The following SLC9A9 variants were observed in gnomAD, a reference collection of about 807,000 sequenced individuals.
SLC9A9 encodes solute carrier family 9 member A9.
A neutral mutation model predicts 77.8 loss-of-function variants in SLC9A9; 62 were observed. The observed-to-expected ratio is 0.80, with a 90% CI of 0.65 to 0.98. SLC9A9 has a LOEUF of 0.98. Ranked by LOEUF, SLC9A9 falls within the 50% of genes least tolerant of loss-of-function variation. The probability of loss-of-function intolerance (pLI) is 0.00; values close to 1 mark genes in which losing one functional copy is unlikely to be tolerated. For missense variants in SLC9A9, 775 were observed against 774.9 expected (o/e 1.00, Z 0.00); for synonymous variants, 320 against 283.5 (o/e 1.13, Z -1.29).
chr3:143,681,056 T>A (rs534294696), intron 5 of SLC9A9, among the ~76,000 whole-genome samples: 4 of 152,286 alleles, frequency 2.6e-5, no homozygotes, highest in Non-Finnish European at 5.9e-5. Flanking sequence ...TTCCACAAGC[T>A]TTCTCCCACT....
chr3:143,297,159 G>A (rs912446961), intron 14 of SLC9A9, among the ~76,000 whole-genome samples: 2 of 152,168 alleles, frequency 1.3e-5, no homozygotes, highest in African/African-American at 4.8e-5. Flanking sequence ...TTTCAGGTCT[G>A]AATTTAAATC....
intron 6 of SLC9A9, among the ~76,000 whole-genome samples, chr3:143,604,132 A>G (rs543442516): frequency 6.6e-6 from 1 of 152,334 alleles, no homozygotes; most frequent in South Asian, 2.1e-4. Flanking sequence ...TTAGTTCTAA[A>G]TTAAGGTCTA....
intron 5 of SLC9A9, among the ~76,000 whole-genome samples, chr3:143,662,642 G>T (rs1311075788): frequency 6.6e-6 from 1 of 152,126 alleles, no homozygotes; most frequent in African/African-American, 2.4e-5. Flanking sequence ...CGGTACTCCA[G>T]GAGATTATAT....
At chr3:143,721,453 C>T (rs1344990987) in intron 4 of SLC9A9, among the ~76,000 whole-genome samples, 1 of 151,988 alleles carries the variant, frequency 6.6e-6, no homozygotes, top group Non-Finnish European at 1.5e-5. Flanking sequence ...CTGAGTTTTC[C>T]AGTCTGTGCT....
intron 12 of SLC9A9, among the ~76,000 whole-genome samples, chr3:143,431,485 C>CCT (rs1553754145): frequency 7.7e-6 from 1 of 130,116 alleles, no homozygotes; most frequent in African/African-American, 3.1e-5. Flanking sequence ...CTGCCCCCAC[C>CCT]TTTTTTTTTT....
At chr3:143,726,404 T>C (rs1934658150) in intron 4 of SLC9A9, among the ~76,000 whole-genome samples, 1 of 152,200 alleles carries the variant, frequency 6.6e-6, no homozygotes, top group African/African-American at 2.4e-5. Flanking sequence ...TATAAGTTTG[T>C]TGGAATGCCT....
chr3:143,665,505 G>C (rs1449508803), intron 5 of SLC9A9, among the ~76,000 whole-genome samples: 1 of 151,938 alleles, frequency 6.6e-6, no homozygotes, highest in Non-Finnish European at 1.5e-5. Context: ...AGGAGATAGA[G>C]ACACAAAAAA....
In SLC9A9 at chr3:143,693,225, A is replaced by G. The variant is rs1393314754; in HGVS notation, c.616T>C (p.Phe206Leu). Residue 206 changes from phenylalanine to leucine, a missense_variant, in exon 5 of 16, where the codon TTT (phenylalanine) becomes CTT (leucine). Physicochemically the swap from Phe to Leu is conservative, Grantham distance 22. Coordinates refer to ENST00000316549, the MANE Select transcript of SLC9A9 (RefSeq NM_173653.4). ...GTAGCAGACATCAGTGAACCAAAAA[A>G]TAAACAGTCAGTGAAATGAAAGTCT... ...NGDFHFTDCL[F>L]FGSLMSATDP... 6.2e-7 allele frequency: 1 copy of G among 1,613,360 alleles called. No homozygotes were observed. The highest frequency in any genetic ancestry group is 8.5e-7 in the Non-Finnish European group (1 of 1,179,522).
chr3:143,449,468 AATAATTATATAAAATATAATAATTAT>A (rs1559921019), intron 12 of SLC9A9, among the ~76,000 whole-genome samples: 17 of 57,472 alleles, frequency 3.0e-4, no homozygotes, highest in African/African-American at 5.7e-4. Context: ...AATTATATAA[AATAATTATATAAAATATAATAATTAT>A]ATAATTATAT....
chr3:143,825,142 C>T (rs1349246462), intron 2 of SLC9A9, among the ~76,000 whole-genome samples: 1 of 147,412 alleles, frequency 6.8e-6, no homozygotes, highest in African/African-American at 2.4e-5. Context: ...CTCAGTGTGC[C>T]TAGAAAAGTT....
intron 4 of SLC9A9, among the ~76,000 whole-genome samples, chr3:143,710,825 C>G (rs894489653): frequency 6.6e-6 from 1 of 152,178 alleles, no homozygotes; most frequent in African/African-American, 2.4e-5. Context: ...CATATCCCCT[C>G]AGGTATATTT....
At chr3:143,759,913 A>C (rs1463366279) in intron 4 of SLC9A9, among the ~76,000 whole-genome samples, 1 of 152,100 alleles carries the variant, frequency 6.6e-6, no homozygotes, top group Non-Finnish European at 1.5e-5. Context: ...GACTGGCAAC[A>C]AAATAACCCA....
rs941519347 is a variant in SLC9A9 at position 143,530,550 on chromosome 3, G to A, written c.1089+21812C>T. Among the ~76,000 whole-genome samples, 8 of 151,980 alleles carry A rather than the reference G, an allele frequency of 5.3e-5. No homozygotes were observed. The South Asian group carries it at 6.2e-4, about 12-fold the overall frequency. On this transcript the variant is annotated intron_variant, in intron 9 of 15. Transcript: ENST00000316549. ...TGTTGGGTATGTCTTTATCAGCAGC[G>A]TGAAAACAGACTAATACAGTTAGTA...
At chr3:143,496,865 C>G (rs2035843699) in intron 9 of SLC9A9, among the ~76,000 whole-genome samples, 1 of 152,168 alleles carries the variant, frequency 6.6e-6, no homozygotes, top group Non-Finnish European at 1.5e-5. Context: ...TCTCATAGTT[C>G]TGGAGGCTGG....
chr3:143,707,561 A>T (rs760685446), intron 4 of SLC9A9, among the ~76,000 whole-genome samples: 2 of 152,212 alleles, frequency 1.3e-5, no homozygotes, highest in Non-Finnish European at 2.9e-5. Context: ...ATATAAAGTC[A>T]ATTACTATGT....
intron 14 of SLC9A9, among the ~76,000 whole-genome samples, chr3:143,285,662 T>G (rs758846616): frequency 1.3e-5 from 2 of 152,236 alleles, no homozygotes; most frequent in Non-Finnish European, 2.9e-5. Context: ...TACCTGAGGC[T>G]GTCAACCCAG....
chr3:143,487,748 G>A (rs2035676858), intron 11 of SLC9A9, among the ~76,000 whole-genome samples: 1 of 151,800 alleles, frequency 6.6e-6, no homozygotes, highest in Admixed American at 6.6e-5. Context: ...AGTGAAAACA[G>A]TGCTAAGACT....
chr3:143,427,995 CAT>C (rs2034436341), intron 12 of SLC9A9, among the ~76,000 whole-genome samples: 1 of 152,080 alleles, frequency 6.6e-6, no homozygotes, highest in Non-Finnish European at 1.5e-5. Context: ...TAAAGGAAAA[CAT>C]AGGAGAAATG....
intron 6 of SLC9A9, among the ~76,000 whole-genome samples, chr3:143,629,331 A>C (rs1162153733): frequency 6.6e-6 from 1 of 152,198 alleles, no homozygotes; most frequent in Non-Finnish European, 1.5e-5. Context: ...TGAGCAAAAC[A>C]GACATTGTCC....
Sources: gnomAD v4.1 joint callset for allele counts (sites outside exome capture counted in the v4.1 genomes callset) on GRCh38, gnomAD v4.1.1 for gene constraint, MANE v1.5 for transcripts, NCBI Gene and HGNC (gene_info 2026-07-23, HGNC 2026-07-21) for gene names.